NCR3LG1: variants seen among roughly 807,000 people sequenced by gnomAD.
NCR3LG1 encodes natural killer cell cytotoxicity receptor 3 ligand 1.
Under a neutral mutation model 34.8 loss-of-function variants are expected in NCR3LG1, and 35 were observed. The observed-to-expected ratio is 1.01, with a 90% confidence interval of 0.77 to 1.33. The LOEUF is 1.33. Ranked by LOEUF, NCR3LG1 falls within the 40% of genes most tolerant of loss-of-function variation. NCR3LG1 has a pLI of 0.00. For missense variants in NCR3LG1, 452 were observed against 423.3 expected, an observed-to-expected ratio of 1.07 and a Z score of -0.60; for synonymous variants, 173 against 163.6, an observed-to-expected ratio of 1.06 and a Z score of -0.44.
intron 2 of NCR3LG1, among the ~76,000 whole-genome samples, chr11:17,358,763 T>C (rs1460928833): frequency 2.6e-5 from 4 of 152,182 alleles, no homozygotes; most frequent in Non-Finnish European, 5.9e-5. Flanking sequence ...CAATCATTGA[T>C]ATCAATAAGG....
intron 4 of NCR3LG1, 61 bp downstream of exon 4, chr11:17,369,025 C>T (rs1953379088): frequency 5.7e-6 from 6 of 1,058,404 alleles, no homozygotes; most frequent in Non-Finnish European, 8.1e-6. Context: ...GCTTTTAGAG[C>T]AGCTGCTGCC....
chr11:17,374,265 G>A lies in NCR3LG1; in HGVS notation c.*1753G>A, dbSNP rs371182284. The A allele has an allele frequency of 6.6e-6, 1 of 152,088 alleles. No homozygotes were observed. The highest frequency in any genetic ancestry group is 2.4e-5 in the African/African-American group (1 of 41,410). The allele number at this position is 152,088 out of a possible 1,614,324, so 9.4% of individuals were successfully genotyped here. A position where few individuals can be genotyped will look rare whatever the true frequency, so the allele number is the denominator to read the frequency against. ...CTGGGCCTAAAGGATGCCTTTTTCT[G>A]TATACCTTTATACCCTGACTCCCAA... is the stretch of plus-strand genomic sequence containing the variant. On this transcript the variant is annotated 3_prime_UTR_variant, in exon 5 of 5. Transcript: ENST00000338965.
intron 4 of NCR3LG1, 63 bp from the exon 5 acceptor site, chr11:17,371,943 C>T (rs762727841): frequency 6.7e-5 from 42 of 628,490 alleles, no homozygotes; most frequent in Non-Finnish European, 1.1e-4. Context: ...TTTCTCTCTG[C>T]TGTCGATCAC....
rs2133357764 is a variant in NCR3LG1, at chr11:17,367,063, A to G, written c.476A>G (p.Asp159Gly). 1 of 1,535,902 alleles carries G rather than the reference A, an allele frequency of 6.5e-7. No homozygotes were observed. The highest frequency in any genetic ancestry group is 8.7e-7 in the Non-Finnish European group (1 of 1,146,736). The change falls in exon 3 of 5, where the codon GAC becomes GGC. Residue 159 changes from aspartate (D) to glycine (G), a missense_variant. Asp to Gly is a moderately conservative substitution (Grantham distance 94, BLOSUM62 -1). Transcript: ENST00000338965. ...CAAGTGGGCATGAAAGAGAATGAAG[A>G]CAAATATATGTGTGAGTCAAGTGGG... ...LDQVGMKENE[D>G]KYMCESSGFY...
chr11:17,371,198 A>G (rs1591686657), intron 4 of NCR3LG1, among the ~76,000 whole-genome samples: 1 of 152,110 alleles, frequency 6.6e-6, no homozygotes, highest in Non-Finnish European at 1.5e-5. Flanking sequence ...GGGACAGCCT[A>G]TTAAGCCCCA....
chr11:17,378,603 C>T (rs906538430), downstream of NCR3LG1, among the ~76,000 whole-genome samples: 2 of 152,178 alleles, frequency 1.3e-5, no homozygotes, highest in African/African-American at 4.8e-5. Flanking sequence ...CCCAACGACG[C>T]CCCCTTCCAG....
downstream of NCR3LG1, among the ~76,000 whole-genome samples, chr11:17,378,703 G>A (rs1309696526): frequency 6.6e-6 from 1 of 152,178 alleles, no homozygotes; most frequent in Non-Finnish European, 1.5e-5. Flanking sequence ...AAGGAGGAAG[G>A]AAGAAACCAG....
downstream of NCR3LG1, among the ~76,000 whole-genome samples, chr11:17,378,921 G>T (rs996802011): frequency 3.3e-5 from 5 of 152,168 alleles, no homozygotes; most frequent in Non-Finnish European, 5.9e-5. Flanking sequence ...GACATGCGCA[G>T]TAAGGGGAAC....
intron 2 of NCR3LG1, among the ~76,000 whole-genome samples, chr11:17,363,274 A>G (rs1467962955): frequency 6.6e-6 from 1 of 151,854 alleles, no homozygotes; most frequent in Non-Finnish European, 1.5e-5. Flanking sequence ...TATTGGTGAA[A>G]GGTTTGTCTG....
In NCR3LG1 at chr11:17,372,332, C is replaced by T. The variant is rs1391601881; in HGVS notation, c.1185C>T (p.Gly395=). The change falls in exon 5 of 5, where the codon GGC becomes GGT. Residue 395 remains glycine, a synonymous_variant. Transcript: ENST00000338965. ...CTGCTCTCCTAACAGTTACATCAGGCAAGTCCATAGATGATAATTCCACAA... is the reference window on the plus strand; with the variant it reads ...CTGCTCTCCTAACAGTTACATCAGGTAAGTCCATAGATGATAATTCCACAA... The part of the protein sequence containing the change: ...IDPALLTVTS[G]KSIDDNSTKS... The T allele has an allele frequency of 5.7e-6, 4 of 702,980 alleles. No homozygotes were observed. In the Admixed American group the frequency reaches 8.0e-5, roughly 14 times the overall value. The allele number at this position is 702,980 out of a possible 1,614,324, so 43.5% of individuals were successfully genotyped here. A position where few individuals can be genotyped will look rare whatever the true frequency, so the allele number is the denominator to read the frequency against.
rs866545449 is a variant in NCR3LG1, at chr11:17,353,781, G to C, written c.70+1742G>C. Among the ~76,000 whole-genome samples the C allele has an allele frequency of 2.0e-5, 3 of 152,336 alleles. No homozygotes were observed. The South Asian group carries it at 6.2e-4, about 32-fold the overall frequency. On this transcript the variant is annotated intron_variant, in intron 1 of 4. Coordinates refer to ENST00000338965, the MANE Select transcript of NCR3LG1 (RefSeq NM_001202439.3). ...GTCCAGCCACGAGGAGCGCGGCGGCGGCTGCATGAGGGTCGGACCCCAGAA... is the reference window on the plus strand; with the variant it reads ...GTCCAGCCACGAGGAGCGCGGCGGCCGCTGCATGAGGGTCGGACCCCAGAA...
chr11:17,362,542 T>G (rs1277699860), intron 2 of NCR3LG1, among the ~76,000 whole-genome samples: 2 of 152,124 alleles, frequency 1.3e-5, no homozygotes, highest in Non-Finnish European at 2.9e-5. Flanking sequence ...TGTAAAAAAC[T>G]GGCATTATTT....
intron 3 of NCR3LG1, among the ~76,000 whole-genome samples, chr11:17,367,654 T>C (rs374634129): frequency 5.0e-4 from 76 of 152,174 alleles, no homozygotes; most frequent in African/African-American, 1.8e-3. Context: ...TGGCTTGAAA[T>C]AGGAAACCTG....
intron 2 of NCR3LG1, among the ~76,000 whole-genome samples, chr11:17,357,844 C>A (rs1333051207): frequency 6.6e-6 from 1 of 152,054 alleles, no homozygotes; most frequent in Non-Finnish European, 1.5e-5. Flanking sequence ...GTAGCTAGGA[C>A]CTCGGTTGCA....
At chr11:17,367,450 AAC>A in intron 3 of NCR3LG1, 103 bp downstream of exon 3, 1 of 1,010,626 alleles carries the variant, frequency 9.9e-7, no homozygotes, top group Non-Finnish European at 1.4e-6. Flanking sequence ...CTGAAGGGGA[AAC>A]AGAGAAAGCT....
downstream of NCR3LG1, among the ~76,000 whole-genome samples, chr11:17,379,596 T>C (rs1953503334): frequency 6.6e-6 from 1 of 152,184 alleles, no homozygotes; most frequent in Non-Finnish European, 1.5e-5. Context: ...GGATGAGAGA[T>C]GCTGGCTACC....
chr11:17,379,922 T>C (rs1433793814), downstream of NCR3LG1, among the ~76,000 whole-genome samples: 4 of 151,862 alleles, frequency 2.6e-5, no homozygotes, highest in East Asian at 7.7e-4. Flanking sequence ...GTGTGAGGAG[T>C]GCAGTCAGCT....
chr11:17,381,626 A>C (rs1270440166), downstream of NCR3LG1: 1 of 152,572 alleles, frequency 6.6e-6, no homozygotes, highest in East Asian at 1.9e-4. Flanking sequence ...ATTGGAATTG[A>C]TCAAATGAAG....
downstream of NCR3LG1, among the ~76,000 whole-genome samples, chr11:17,380,355 G>A (rs1226443206): frequency 6.6e-6 from 1 of 152,174 alleles, no homozygotes; most frequent in African/African-American, 2.4e-5. Context: ...GTGGGTGTGA[G>A]CATGCCCTAC....
Sources: allele counts gnomAD v4.1 joint callset (sites outside exome capture counted in the v4.1 genomes callset), GRCh38; gene constraint gnomAD v4.1.1; transcripts MANE v1.5; gene names NCBI Gene and HGNC (gene_info 2026-07-23, HGNC 2026-07-21).